The following FER1L6 variants were observed in gnomAD, a reference collection of about 807,000 sequenced individuals.
FER1L6 encodes fer-1 like family member 6, also known as fer-1-like protein 6.
In FER1L6, 177 loss-of-function variants were observed where a neutral mutation model predicts 219.2. The ratio of observed to expected loss-of-function variants is 0.81; its 90% confidence interval spans 0.71 to 0.91. The LOEUF (loss-of-function observed/expected upper bound fraction) is 0.91. Ranked by LOEUF, FER1L6 falls within the 40% of genes least tolerant of loss-of-function variation. FER1L6 has a pLI of 0.00. For missense variants in FER1L6, 2,153 were observed against 2,259.9 expected (o/e 0.95, Z 0.96); for synonymous variants, 768 against 824.3 (o/e 0.93, Z 1.17).
chr8:124,049,485 G>T, intron 21 of FER1L6, 122 bp from the exon 22 acceptor site: 1 of 1,138,816 alleles, frequency 8.8e-7, no homozygotes, highest in Non-Finnish European at 1.3e-6. Context: ...CAGGAGAAAA[G>T]AGTGAGACAT....
At chr8:123,974,800 G>T (rs1815989765) in intron 7 of FER1L6, among the ~76,000 whole-genome samples, 1 of 151,958 alleles carries the variant, frequency 6.6e-6, no homozygotes, top group Admixed American at 6.6e-5. Flanking sequence ...AAAGACCAAG[G>T]AGCCAGGTTT....
At position 124,007,188 on chromosome 8, in the gene FER1L6, G is replaced by A. The variant is rs149520702; in HGVS notation, c.1701-3406G>A. Among the ~76,000 whole-genome samples, 1,060 of 152,266 alleles carry A rather than the reference G, an allele frequency of 7.0e-3. 6 individuals carry two copies. The highest frequency in any genetic ancestry group is 0.014 in the Middle Eastern group (4 of 294). On this transcript the variant is annotated intron_variant, in intron 13 of 40. Transcript: ENST00000522917. Reference sequence around the variant, plus strand: ...ATTGTCTCCTTCAGAGGAAATTTGCGTGGAAGAGCTAAAAAGAATAACCAT... The same window carrying A: ...ATTGTCTCCTTCAGAGGAAATTTGCATGGAAGAGCTAAAAAGAATAACCAT...
chr8:124,012,377 C>T (rs534551837), intron 14 of FER1L6, among the ~76,000 whole-genome samples: 53 of 152,286 alleles, frequency 3.5e-4, no homozygotes, highest in African/African-American at 6.3e-4. Context: ...CAGAACAGAT[C>T]GTTTATCTCC....
chr8:123,968,391 C>T (rs1222560140), intron 5 of FER1L6, among the ~76,000 whole-genome samples: 2 of 152,154 alleles, frequency 1.3e-5, no homozygotes, highest in Non-Finnish European at 2.9e-5. Context: ...TAAAGTTCAT[C>T]AGATGCTGAA....
intron 12 of FER1L6, among the ~76,000 whole-genome samples, chr8:123,989,624 C>T (rs780386536): frequency 1.2e-4 from 19 of 152,100 alleles, no homozygotes; most frequent in Admixed American, 6.5e-4. Flanking sequence ...TTTTCATACC[C>T]ATAGCTTAGC....
chr8:123,952,429 A>G (rs1320240579), intron 1 of FER1L6, among the ~76,000 whole-genome samples: 1 of 152,242 alleles, frequency 6.6e-6, no homozygotes, highest in Non-Finnish European at 1.5e-5. Context: ...GTTTGGATAC[A>G]GATATCGGAG....
chr8:123,908,683 G>T (rs771924403), intron 1 of FER1L6, among the ~76,000 whole-genome samples: 2 of 152,210 alleles, frequency 1.3e-5, no homozygotes, highest in Non-Finnish European at 2.9e-5. Flanking sequence ...GAATAAGATT[G>T]CTCATAACCT....
chr8:123,968,449 T>C (rs2130238770), intron 5 of FER1L6, among the ~76,000 whole-genome samples: 1 of 152,254 alleles, frequency 6.6e-6, no homozygotes, highest in East Asian at 1.9e-4. Context: ...TAGAAGAATA[T>C]GTGTTGGCCA....
chr8:124,019,504 C>T (rs1818360829), intron 16 of FER1L6, among the ~76,000 whole-genome samples: 1 of 152,190 alleles, frequency 6.6e-6, no homozygotes, highest in Non-Finnish European at 1.5e-5. Context: ...TGTCCCAGAC[C>T]TGGGCTCCAA....
chr8:123,857,683 G>A (rs761724386), intron 1 of FER1L6, among the ~76,000 whole-genome samples: 26 of 152,118 alleles, frequency 1.7e-4, no homozygotes, highest in Non-Finnish European at 2.8e-4. Flanking sequence ...GGCTCGTCCT[G>A]GTGGCCGGCC....
chr8:123,962,928 A>T (rs991904342), intron 2 of FER1L6, among the ~76,000 whole-genome samples: 1 of 152,156 alleles, frequency 6.6e-6, no homozygotes, highest in Non-Finnish European at 1.5e-5. Flanking sequence ...GTGCCCAGCC[A>T]GAAACTCAGT....
chr8:124,001,451 T>A (rs771198870), intron 12 of FER1L6, among the ~76,000 whole-genome samples: 1 of 152,208 alleles, frequency 6.6e-6, no homozygotes, highest in South Asian at 2.1e-4. Flanking sequence ...GCCTTTGTGA[T>A]TGATTTACCA....
At chr8:123,979,051 T>C (rs1349124396) in intron 10 of FER1L6, among the ~76,000 whole-genome samples, 1 of 152,214 alleles carries the variant, frequency 6.6e-6, no homozygotes, top group East Asian at 1.9e-4. Flanking sequence ...TACAATATTC[T>C]TATATTTAAG....
chr8:124,110,832 C>T (rs1417231189), intron 39 of FER1L6, among the ~76,000 whole-genome samples: 1 of 152,150 alleles, frequency 6.6e-6, no homozygotes, highest in East Asian at 1.9e-4. Context: ...AATCTTTATG[C>T]CACCTGCCAG....
chr8:124,023,816 C>T (rs1442905885), intron 18 of FER1L6, among the ~76,000 whole-genome samples: 8 of 152,022 alleles, frequency 5.3e-5, no homozygotes, highest in Admixed American at 5.2e-4. Flanking sequence ...TCACCAGACA[C>T]ACATAAGTTT....
At chr8:123,885,805 G>T (rs1163442245) in intron 1 of FER1L6, among the ~76,000 whole-genome samples, 1 of 152,174 alleles carries the variant, frequency 6.6e-6, no homozygotes, top group African/African-American at 2.4e-5. Context: ...GAGCCCAGGT[G>T]CAAGTAATTT....
chr8:123,936,387 C>T (rs192236640), intron 1 of FER1L6, among the ~76,000 whole-genome samples: 2 of 150,998 alleles, frequency 1.3e-5, no homozygotes, highest in East Asian at 3.9e-4. Flanking sequence ...ATATTATCTG[C>T]TGAGTTAATT....
intron 33 of FER1L6, among the ~76,000 whole-genome samples, chr8:124,083,379 TTCATG>T (rs1821655591): frequency 2.0e-5 from 3 of 152,162 alleles, no homozygotes; most frequent in African/African-American, 7.2e-5. Context: ...ATGTCTTTAA[TTCATG>T]TTGATTTTAT....
At chr8:124,014,694 A>G (rs775463873) in intron 15 of FER1L6, among the ~76,000 whole-genome samples, 1 of 152,216 alleles carries the variant, frequency 6.6e-6, no homozygotes, top group Non-Finnish European at 1.5e-5. Flanking sequence ...TGAAATTTTT[A>G]TACAACATAT....
Sources: gnomAD v4.1 joint callset for allele counts (sites outside exome capture counted in the v4.1 genomes callset) on GRCh38, gnomAD v4.1.1 for gene constraint, MANE v1.5 for transcripts, NCBI Gene and HGNC (gene_info 2026-07-23, HGNC 2026-07-21) for gene names.